OVOL2: variants seen among roughly 807,000 people sequenced by gnomAD.
OVOL2 encodes the protein ovo like zinc finger 2, also known as transcription factor Ovo-like 2.
A neutral mutation model predicts 18.1 loss-of-function variants in OVOL2; 13 were observed. The observed-to-expected ratio is 0.72, with a 90% CI of 0.47 to 1.14. The LOEUF is 1.14. Ranked by LOEUF, OVOL2 falls within the 50% of genes most tolerant of loss-of-function variation. The probability of loss-of-function intolerance (pLI) is 0.00; values close to 1 mark genes in which losing one functional copy is unlikely to be tolerated. For synonymous variants in OVOL2, 166 were observed against 162.7 expected (o/e 1.02, Z -0.16); for missense variants, 335 against 383.0 (o/e 0.87, Z 1.05).
rs1211369310 is a variant in OVOL2, at chr20:18,056,626, G to A, written c.321+31C>T. 3.6e-6 allele frequency: 5 copies of A among 1,372,994 alleles called. No homozygotes were observed. The South Asian group carries it at 8.9e-5, about 25-fold the overall frequency. 85.1% of individuals were successfully genotyped at this position (1,372,994 alleles called of 1,614,324 possible). ...GAGCCCGACGCCAGGGCGTGGTGCAGGTGGCGGCGGGGGCAGAGTCGACAC... is the reference window on the plus strand; with the variant it reads ...GAGCCCGACGCCAGGGCGTGGTGCAAGTGGCGGCGGGGGCAGAGTCGACAC... On this transcript the variant is annotated intron_variant, in intron 2 of 3. Coordinates refer to ENST00000278780, the MANE Select transcript of OVOL2 (RefSeq NM_021220.4). This position sits in a 1 kb window ranked among gnomAD's most constrained non-coding sequence, Gnocchi z 4.2.
In OVOL2 at chr20:18,056,759, G is replaced by C; in HGVS notation, c.219C>G (p.Ser73=). 1.3e-6 allele frequency: 2 copies of C among 1,498,866 alleles called. No individual in the cohort carries two copies. The highest frequency in any genetic ancestry group is 1.8e-6 in the Non-Finnish European group (2 of 1,131,492). The allele number at this position is 1,498,866 out of a possible 1,614,324, so 92.8% of individuals were successfully genotyped here. Residue 73 remains serine (S), a synonymous_variant, in exon 2 of 4, where the codon TCC becomes TCG. Coordinates refer to ENST00000278780, the MANE Select transcript of OVOL2 (RefSeq NM_021220.4). This position sits in a 1 kb window ranked among gnomAD's most constrained non-coding sequence, Gnocchi z 4.2. The part of the protein sequence containing the change: ...GEPGGAESSS[S]PHAPESETPE... ...GGGTTTCGCTCTCGGGGGCGTGCGGGGACGAGCTGCTCTCTGCTCCTCCAG... is the reference window on the plus strand; with the variant it reads ...GGGTTTCGCTCTCGGGGGCGTGCGGCGACGAGCTGCTCTCTGCTCCTCCAG...
Position 18,056,631 on chromosome 20 carries a change from C to A in OVOL2, c.321+26G>T, listed in dbSNP as rs1027007097. On this transcript the variant is annotated intron_variant, in intron 2 of 3. Coordinates refer to ENST00000278780, the MANE Select transcript of OVOL2 (RefSeq NM_021220.4). The surrounding 1 kb of genome is among the most constrained non-coding windows in gnomAD (Gnocchi z 4.2). Reference sequence around the variant, plus strand: ...CGACGCCAGGGCGTGGTGCAGGTGGCGGCGGGGGCAGAGTCGACACAGTAC... The same window carrying A: ...CGACGCCAGGGCGTGGTGCAGGTGGAGGCGGGGGCAGAGTCGACACAGTAC... 7 of 1,374,452 alleles carry A rather than the reference C, an allele frequency of 5.1e-6. No homozygotes were observed. Among genetic ancestry groups the A allele is most frequent in the Non-Finnish European group, 4.7e-6 (5 of 1,062,668 alleles). 85.1% of individuals were successfully genotyped at this position (1,374,452 alleles called of 1,614,324 possible). A position where few individuals can be genotyped will look rare whatever the true frequency, so the allele number is the denominator to read the frequency against.
At chr20:18,054,871 C>G (rs73902203) in intron 2 of OVOL2, among the ~76,000 whole-genome samples, 9,764 of 151,746 alleles carry the variant, frequency 0.064, 687 homozygotes, top group African/African-American at 0.16. Context: ...AATTATACAA[C>G]GTGCTAAGTC....
At chr20:18,044,660 C>T (rs1261300570) in intron 2 of OVOL2, among the ~76,000 whole-genome samples, 3 of 152,104 alleles carry the variant, frequency 2.0e-5, no homozygotes, top group South Asian at 2.1e-4. Flanking sequence ...AGGAAGCTGC[C>T]GAGTCTAGTG....
intron 2 of OVOL2, among the ~76,000 whole-genome samples, chr20:18,044,398 C>T (rs2036705518): frequency 6.6e-6 from 1 of 152,188 alleles, no homozygotes; most frequent in South Asian, 2.1e-4. Flanking sequence ...TGCTCCAAGC[C>T]TAGTCTAGGG....
At chr20:18,027,822 C>G (rs2122687742) in intron 3 of OVOL2, among the ~76,000 whole-genome samples, 1 of 152,192 alleles carries the variant, frequency 6.6e-6, no homozygotes, top group South Asian at 2.1e-4. Context: ...GTCTCGATCT[C>G]CCGACCTCGT....
Position 18,056,986 on chromosome 20 carries a change from C to A in OVOL2, c.101-109G>T. Reference sequence around the variant, plus strand: ...GCCGCCGCCCCGCCCCGGACCTGGGCACCTCGCCAAGTGGGCAACGTCGCG... The same window carrying A: ...GCCGCCGCCCCGCCCCGGACCTGGGAACCTCGCCAAGTGGGCAACGTCGCG... On this transcript the variant is annotated intron_variant, in intron 1 of 3. Transcript: ENST00000278780. The surrounding 1 kb of genome is among the most constrained non-coding windows in gnomAD (Gnocchi z 4.2). The A allele has an allele frequency of 7.7e-7, 1 of 1,295,674 alleles. No individual in the cohort carries two copies. The highest frequency in any genetic ancestry group is 1.0e-6 in the Non-Finnish European group (1 of 1,004,660). The allele number at this position is 1,295,674 out of a possible 1,614,324, so 80.3% of individuals were successfully genotyped here. A position where few individuals can be genotyped will look rare whatever the true frequency, so the allele number is the denominator to read the frequency against.
chr20:18,029,130 G>A (rs1568631423), intron 3 of OVOL2, among the ~76,000 whole-genome samples: 13 of 152,196 alleles, frequency 8.5e-5, no homozygotes, highest in Admixed American at 5.2e-4. Context: ...GGGTTCAAGC[G>A]AGTATCCTGC....
At position 18,056,878 on chromosome 20, in the gene OVOL2, C is replaced by A; in HGVS notation, c.101-1G>T. The A allele has an allele frequency of 6.7e-7, 1 of 1,484,368 alleles. No homozygotes were observed. Among genetic ancestry groups the A allele is most frequent in the South Asian group, 1.3e-5 (1 of 78,754 alleles). The allele number at this position is 1,484,368 out of a possible 1,614,324, so 91.9% of individuals were successfully genotyped here. A position where few individuals can be genotyped will look rare whatever the true frequency, so the allele number is the denominator to read the frequency against. On this transcript the variant is annotated splice_acceptor_variant, in intron 1 of 3. Coordinates refer to ENST00000278780, the MANE Select transcript of OVOL2 (RefSeq NM_021220.4). LOFTEE classifies it high-confidence loss of function. The surrounding 1 kb of genome is among the most constrained non-coding windows in gnomAD (Gnocchi z 4.2). ...TCGTGGAGCAGGCGGCCTAGGCCCA[C>A]TGTGGAGGGAGGGGCCGCGCCCCGA...
chr20:18,034,760 C>T (rs2036600734), intron 3 of OVOL2, among the ~76,000 whole-genome samples: 1 of 152,038 alleles, frequency 6.6e-6, no homozygotes, highest in Non-Finnish European at 1.5e-5. Context: ...TAATGTAAGA[C>T]ATCTTCAGGT....
chr20:18,042,771 G>T (rs1463183340), intron 2 of OVOL2, among the ~76,000 whole-genome samples: 30 of 83,020 alleles, frequency 3.6e-4, no homozygotes, highest in Middle Eastern at 9.4e-3. Context: ...GCAAAACTCC[G>T]TCTCAAAAAA....
At chr20:18,032,539 C>T (rs2036581374) in intron 3 of OVOL2, among the ~76,000 whole-genome samples, 1 of 152,096 alleles carries the variant, frequency 6.6e-6, no homozygotes, top group African/African-American at 2.4e-5. Context: ...TGGAGTCTCA[C>T]TCTGTTGCCC....
chr20:18,055,554 C>T (rs2036813719), intron 2 of OVOL2, among the ~76,000 whole-genome samples: 1 of 152,214 alleles, frequency 6.6e-6, no homozygotes, highest in South Asian at 2.1e-4. Context: ...GCTGAAGCCT[C>T]AAACCTCAGT....
At position 18,056,182 on chromosome 20, in the gene OVOL2, A is replaced by G. The variant is rs1041445741; in HGVS notation, c.321+475T>C. 6.6e-6 allele frequency among the ~76,000 whole-genome samples: 1 copy of G among 152,216 alleles called. No homozygotes were observed. Among genetic ancestry groups the G allele is most frequent in the African/African-American group, 2.4e-5 (1 of 41,470 alleles). ...CCCACTATGTGTCAAGCTGCCGCCC[A>G]GGTCCAGAACATAAGCATGGGGGGT... On this transcript the variant is annotated intron_variant, in intron 2 of 3. Transcript: ENST00000278780. The surrounding 1 kb of genome is among the most constrained non-coding windows in gnomAD (Gnocchi z 4.2).
intron 3 of OVOL2, among the ~76,000 whole-genome samples, chr20:18,036,622 T>C (rs2036617157): frequency 1.3e-5 from 2 of 152,094 alleles, no homozygotes; most frequent in South Asian, 4.1e-4. Flanking sequence ...GAGTAGGAGA[T>C]GGAGAAAATC....
chr20:18,024,836 G>A lies in OVOL2; in HGVS notation c.628C>T (p.Arg210Trp), dbSNP rs1328056863. 4 of 1,614,196 alleles carry A rather than the reference G, an allele frequency of 2.5e-6. No individual in the cohort carries two copies. Among genetic ancestry groups the A allele is most frequent in the South Asian group, 1.1e-5 (1 of 91,074 alleles). Reference sequence around the variant, plus strand: ...TCCTCGCAGACGTAGAGCTTGTCCCGCCGCTGCTTATAGGCATACTGCTGC... The same window carrying A: ...TCCTCGCAGACGTAGAGCTTGTCCCACCGCTGCTTATAGGCATACTGCTGC... The part of the protein sequence containing the change: ...VQQQYAYKQR[R>W]DKLYVCEDCG... The change falls in exon 4 of 4, where the codon CGG becomes TGG. Residue 210 changes from arginine to tryptophan, a missense_variant. Coordinates refer to ENST00000278780, the MANE Select transcript of OVOL2 (RefSeq NM_021220.4).
chr20:18,047,829 AG>A (rs1458401977), intron 2 of OVOL2, among the ~76,000 whole-genome samples: 2 of 123,020 alleles, frequency 1.6e-5, no homozygotes, highest in East Asian at 2.6e-4. Context: ...ACTCCAGCCC[AG>A]GCGACAGAGT....
chr20:18,052,563 G>A (rs6514835), intron 2 of OVOL2, among the ~76,000 whole-genome samples: 12,480 of 152,170 alleles, frequency 0.082, 1,249 homozygotes, highest in African/African-American at 0.23. Flanking sequence ...TGGCAGATAC[G>A]TATGACTATG....
At chr20:18,041,802 T>C (rs978601943) in intron 2 of OVOL2, 79 bp from the exon 3 acceptor site, 123 of 1,381,024 alleles carry the variant, frequency 8.9e-5, no homozygotes, top group Non-Finnish European at 1.8e-5. Context: ...CCCACCTCCC[T>C]GTGTCTTGAG....
Sources: allele counts gnomAD v4.1 joint callset (sites outside exome capture counted in the v4.1 genomes callset), GRCh38; gene constraint gnomAD v4.1.1; non-coding constraint Gnocchi (gnomAD v3.1); transcripts MANE v1.5; gene names NCBI Gene and HGNC (gene_info 2026-07-23, HGNC 2026-07-21).